Variants in SUGCT observed in about 807,000 individuals in gnomAD.
SUGCT encodes succinyl-CoA:glutarate-CoA transferase, also known as succinyl-CoA:glutarate CoA-transferase.
A neutral mutation model predicts 55.0 loss-of-function variants in SUGCT; 41 were observed. The ratio of observed to expected loss-of-function variants is 0.74; its 90% CI spans 0.58 to 0.97. SUGCT has a LOEUF of 0.97. SUGCT is among the 50% of genes least tolerant of loss of function. The probability of loss-of-function intolerance (pLI) is 0.00; values close to 1 mark genes in which losing one functional copy is unlikely to be tolerated. For synonymous variants in SUGCT, 187 were observed against 200.4 expected (o/e 0.93, Z 0.56); for missense variants, 568 against 547.8 (o/e 1.04, Z -0.37).
chr7:40,496,477 C>T (rs1347485838), intron 12 of SUGCT, 91 bp downstream of exon 12: 3 of 864,604 alleles, frequency 3.5e-6, no homozygotes, highest in African/African-American at 1.7e-5. Context: ...GCTTAAGTCA[C>T]ATGATGTGAA....
At chr7:40,513,783 ATTTTTTTTTT>A (rs869065628) in intron 12 of SUGCT, among the ~76,000 whole-genome samples, 61 of 103,992 alleles carry the variant, frequency 5.9e-4, no homozygotes, top group African/African-American at 2.3e-3. Flanking sequence ...TCAGGGAAGT[ATTTTTTTTTT>A]TTTTTTTTTT....
At chr7:40,336,279 G>T (rs1047360022) in intron 9 of SUGCT, among the ~76,000 whole-genome samples, 3 of 152,232 alleles carry the variant, frequency 2.0e-5, no homozygotes, top group African/African-American at 7.2e-5. Context: ...AGTTAGGGAG[G>T]ACTCCTTCTT....
chr7:40,968,383 AGCCTCAT>A, the SUGCT span, among the ~76,000 whole-genome samples: 2 of 152,224 alleles, frequency 1.3e-5, no homozygotes, highest in Admixed American at 1.3e-4. Flanking sequence ...CTTCCAGCAC[AGCCTCAT>A]TTTATTGTCA....
intron 12 of SUGCT, among the ~76,000 whole-genome samples, chr7:40,703,945 G>A (rs923623693): frequency 2.0e-5 from 3 of 152,214 alleles, no homozygotes; most frequent in Non-Finnish European, 4.4e-5. Context: ...CATGCCTAGC[G>A]TGGTCTAACT....
intron 12 of SUGCT, among the ~76,000 whole-genome samples, chr7:40,525,448 A>C (rs971892950): frequency 6.6e-6 from 1 of 152,102 alleles, no homozygotes; most frequent in Middle Eastern, 3.2e-3. Flanking sequence ...CATTGTGAGG[A>C]AAGTGTCTGT....
chr7:40,943,614 C>CATT, the SUGCT span, among the ~76,000 whole-genome samples: 1 of 150,394 alleles, frequency 6.6e-6, no homozygotes, highest in African/African-American at 2.5e-5. Flanking sequence ...ATGAACTCAT[C>CATT]ATTTTTTATG....
At chr7:40,153,522 C>G (rs1446997278) in intron 1 of SUGCT, 1 of 423,790 alleles carries the variant, frequency 2.4e-6, no homozygotes, top group Non-Finnish European at 4.6e-6. Context: ...ACCTATGACT[C>G]TTTTGTACCT....
the SUGCT span, among the ~76,000 whole-genome samples, chr7:40,918,511 A>G: frequency 2.0e-5 from 3 of 151,612 alleles, no homozygotes; most frequent in East Asian, 3.9e-4. Context: ...CTGTTAGTCT[A>G]TTACAGCCCC....
intron 12 of SUGCT, among the ~76,000 whole-genome samples, chr7:40,522,573 A>T (rs1035304334): frequency 6.6e-6 from 1 of 152,136 alleles, no homozygotes; most frequent in Non-Finnish European, 1.5e-5. Flanking sequence ...CCATCCTGAT[A>T]TTGAATGTGC....
intron 8 of SUGCT, among the ~76,000 whole-genome samples, chr7:40,285,218 A>G (rs953252626): frequency 6.6e-6 from 1 of 152,194 alleles, no homozygotes; most frequent in African/African-American, 2.4e-5. Context: ...AAGATATAAA[A>G]GAAATAGAAA....
the SUGCT span, among the ~76,000 whole-genome samples, chr7:41,022,865 T>G: frequency 6.6e-6 from 1 of 152,186 alleles, no homozygotes; most frequent in East Asian, 1.9e-4. Context: ...AATATCAGTA[T>G]TTGTCATAAA....
intron 9 of SUGCT, among the ~76,000 whole-genome samples, chr7:40,338,270 A>G (rs959254438): frequency 6.6e-6 from 1 of 151,980 alleles, no homozygotes. Flanking sequence ...CATTCTCTGT[A>G]TTTCCTGAAT....
chr7:40,950,479 A>G, the SUGCT span, among the ~76,000 whole-genome samples: 2 of 152,174 alleles, frequency 1.3e-5, no homozygotes, highest in East Asian at 3.9e-4. Context: ...CCAGGCCAGA[A>G]CTTCCAACAC....
intron 6 of SUGCT, among the ~76,000 whole-genome samples, chr7:40,195,708 CTT>C (rs928397687): frequency 9.8e-3 from 682 of 69,240 alleles, no homozygotes; most frequent in African/African-American, 0.04. Context: ...GAAAACAATT[CTT>C]TTTTTTTTTT....
intron 11 of SUGCT, among the ~76,000 whole-genome samples, chr7:40,463,295 A>T (rs1174384825): frequency 6.6e-6 from 1 of 152,212 alleles, no homozygotes; most frequent in African/African-American, 2.4e-5. Flanking sequence ...TGTTTATTTT[A>T]AAAAGTTTTC....
the SUGCT span, among the ~76,000 whole-genome samples, chr7:41,031,599 G>A: frequency 2.1e-4 from 32 of 152,240 alleles, no homozygotes; most frequent in African/African-American, 7.2e-4. Flanking sequence ...TCTGACCGTT[G>A]CCTACCTCCT....
chr7:40,180,454 C>T (rs1309649243), intron 1 of SUGCT, among the ~76,000 whole-genome samples: 1 of 151,604 alleles, frequency 6.6e-6, no homozygotes, highest in Non-Finnish European at 1.5e-5. Flanking sequence ...TAAATTGGCT[C>T]ATTTCAAGGA....
chr7:40,148,419 C>T (rs1448007695), intron 1 of SUGCT, among the ~76,000 whole-genome samples: 7 of 152,026 alleles, frequency 4.6e-5, no homozygotes, highest in Admixed American at 2.6e-4. Context: ...CTGAGGTGGG[C>T]GGATCACCTG....
chr7:40,692,739 T>A (rs1443562455), intron 12 of SUGCT, among the ~76,000 whole-genome samples: 1 of 152,178 alleles, frequency 6.6e-6, no homozygotes, highest in Non-Finnish European at 1.5e-5. Flanking sequence ...CTAAATTTCA[T>A]TTAAAAACTC....
Sources: gnomAD v4.1 joint callset for allele counts (sites outside exome capture counted in the v4.1 genomes callset) on GRCh38, gnomAD v4.1.1 for gene constraint, MANE v1.5 for transcripts, NCBI Gene and HGNC (gene_info 2026-07-23, HGNC 2026-07-21) for gene names.